CNIH3: variants seen among roughly 807,000 people sequenced by gnomAD.
The protein encoded by CNIH3 is protein cornichon homolog 3.
Under a neutral mutation model 24.1 loss-of-function variants are expected in CNIH3, and 14 were observed. That is an observed-to-expected ratio of 0.58 (90% CI 0.38 to 0.91). The LOEUF (loss-of-function observed/expected upper bound fraction) is 0.91. Ranked by LOEUF, CNIH3 falls within the 40% of genes least tolerant of loss-of-function variation. CNIH3 has a pLI of 0.00. For missense variants in CNIH3, 178 were observed against 196.8 expected (o/e 0.90, Z 0.57); for synonymous variants, 68 against 73.8 (o/e 0.92, Z 0.40).
At chr1:224,702,891 C>G (rs1472133550) in intron 3 of CNIH3, among the ~76,000 whole-genome samples, 1 of 152,110 alleles carries the variant, frequency 6.6e-6, no homozygotes, top group Admixed American at 6.5e-5. Flanking sequence ...CCTTGCTGGT[C>G]GGGGGAGACT....
At chr1:224,644,112 A>T (rs533886679) in intron 1 of CNIH3, among the ~76,000 whole-genome samples, 2 of 152,314 alleles carry the variant, frequency 1.3e-5, no homozygotes, top group Admixed American at 6.5e-5. Flanking sequence ...TTGCTCCAGC[A>T]CCTCAGCAGG....
At chr1:224,676,235 A>G (rs1421638293) in intron 1 of CNIH3, among the ~76,000 whole-genome samples, 1 of 152,238 alleles carries the variant, frequency 6.6e-6, no homozygotes, top group African/African-American at 2.4e-5. Context: ...ATGCTTACAA[A>G]AGAAAGCAGG....
Position 224,575,554 on chromosome 1 carries a change from C to G in CNIH3, n.517-7610C>G, listed in dbSNP as rs189443690. Reference sequence around the variant, plus strand: ...TAGCTTGATGTTGGATCTGAAGAGCCCTGTCAATAGAGTAGCTTTGCTTTG... The same window carrying G: ...TAGCTTGATGTTGGATCTGAAGAGCGCTGTCAATAGAGTAGCTTTGCTTTG... On this transcript the variant is annotated intron_variant and non_coding_transcript_variant, in intron 4 of 5. Coordinates refer to the CNIH3 transcript ENST00000471578. Among the ~76,000 whole-genome samples the G allele has an allele frequency of 2.0e-5, 3 of 151,890 alleles. No individual in the cohort carries two copies. The South Asian group carries it at 6.2e-4, about 32-fold the overall frequency.
At chr1:224,574,481 G>T in intron 4 of CNIH3, 1 of 652,762 alleles carries the variant, frequency 1.5e-6, no homozygotes, top group Non-Finnish European at 2.8e-6. Context: ...TGCCCATCCT[G>T]GGGCTAGGCA....
intron 3 of CNIH3, among the ~76,000 whole-genome samples, chr1:224,710,060 G>T (rs767911593): frequency 1.3e-5 from 2 of 151,964 alleles, no homozygotes; most frequent in Non-Finnish European, 2.9e-5. Flanking sequence ...ATATGAATAC[G>T]GTCTCTCTCA....
rs1315101944 is a variant in CNIH3 at position 224,684,683 on chromosome 1, G to A, written c.151-113G>A. 5.7e-6 allele frequency: 5 copies of A among 884,628 alleles called. No individual in the cohort carries two copies. Among genetic ancestry groups the A allele is most frequent in the African/African-American group, 5.0e-5 (3 of 60,464 alleles). The allele number at this position is 884,628 out of a possible 1,614,324, so 54.8% of individuals were successfully genotyped here. On this transcript the variant is annotated intron_variant, in intron 2 of 5. Transcript: ENST00000272133. The surrounding 1 kb of genome is among the most constrained non-coding windows in gnomAD (Gnocchi z 4.2). Reference sequence around the variant, plus strand: ...AGCATGCTGGCCATGTGCCCAGGAGGGGTCTCTGGTGGCTTCTGCCTCCAC... The same window carrying A: ...AGCATGCTGGCCATGTGCCCAGGAGAGGTCTCTGGTGGCTTCTGCCTCCAC...
chr1:224,731,310 G>A (rs1689314202), intron 4 of CNIH3, among the ~76,000 whole-genome samples: 1 of 152,060 alleles, frequency 6.6e-6, no homozygotes, highest in East Asian at 1.9e-4. Flanking sequence ...AGATGGGCTG[G>A]ATTTTCTGGG....
At chr1:224,520,110 T>C (rs914296249) in intron 1 of CNIH3, among the ~76,000 whole-genome samples, 12 of 152,266 alleles carry the variant, frequency 7.9e-5, no homozygotes, top group African/African-American at 2.9e-4. Flanking sequence ...CCTGGCACCA[T>C]TTACTATTAT....
intron 1 of CNIH3, among the ~76,000 whole-genome samples, chr1:224,464,451 A>C (rs1558083773): frequency 6.6e-6 from 1 of 152,162 alleles, no homozygotes; most frequent in Admixed American, 6.5e-5. Context: ...ATTTTTGAAT[A>C]GGTAATACTT....
Position 224,734,508 on chromosome 1 carries a change from G to C in CNIH3, c.312-55G>C, listed in dbSNP as rs940305063. ...GCCCTGCATCGGAAGGGTTTGCCCA[G>C]GTTACGCCAGAAGTACCAGGACCTC... On this transcript the variant is annotated intron_variant, in intron 4 of 5. Transcript: ENST00000272133. 5 of 1,594,278 alleles carry C rather than the reference G, an allele frequency of 3.1e-6. No individual in the cohort carries two copies. In the African/African-American group the frequency reaches 6.7e-5, roughly 21 times the overall value.
At chr1:224,496,889 T>C (rs2124860501) in intron 1 of CNIH3, among the ~76,000 whole-genome samples, 1 of 152,338 alleles carries the variant, frequency 6.6e-6, no homozygotes, top group African/African-American at 2.4e-5. Flanking sequence ...CCCAAGGTAA[T>C]TGAAAACATA....
In CNIH3 at chr1:224,647,080, G is replaced by A. The variant is rs1248216358; in HGVS notation, c.81+29825G>A. On this transcript the variant is annotated intron_variant, in intron 1 of 5. Coordinates refer to ENST00000272133, the MANE Select transcript of CNIH3 (RefSeq NM_152495.2). ...CGGCTCGCTGCAACCTCCACCTCCT[G>A]GGTCCAAGCGATTCTCCTGCTTCAG... is the stretch of plus-strand genomic sequence containing the variant. Among the ~76,000 whole-genome samples the A allele has an allele frequency of 3.3e-5, 5 of 152,070 alleles. No homozygotes were observed. The East Asian group carries it at 9.6e-4, about 29-fold the overall frequency.
intron 1 of CNIH3, among the ~76,000 whole-genome samples, chr1:224,502,757 C>T (rs757467332): frequency 6.6e-6 from 1 of 152,158 alleles, no homozygotes; most frequent in Non-Finnish European, 1.5e-5. Context: ...TTTTCAGAAG[C>T]AATTTAAACA....
intron 1 of CNIH3, among the ~76,000 whole-genome samples, chr1:224,477,260 G>A (rs1558093298): frequency 1.3e-5 from 2 of 151,098 alleles, no homozygotes; most frequent in African/African-American, 4.9e-5. Flanking sequence ...TGGAGCAAAA[G>A]TTCACGATGT....
At chr1:224,449,849 C>T (rs1675317661) in intron 1 of CNIH3, among the ~76,000 whole-genome samples, 2 of 152,200 alleles carry the variant, frequency 1.3e-5, no homozygotes, top group African/African-American at 4.8e-5. Context: ...TCACCTGTGG[C>T]TCCAGTCACA....
At chr1:224,486,804 G>A (rs1253443114) in intron 1 of CNIH3, among the ~76,000 whole-genome samples, 7 of 152,334 alleles carry the variant, frequency 4.6e-5, no homozygotes, top group Admixed American at 1.3e-4. Flanking sequence ...TAGAAATAAT[G>A]CAAGTAGAGT....
At chr1:224,578,579 T>C (rs1398922859) in intron 4 of CNIH3, among the ~76,000 whole-genome samples, 1 of 152,206 alleles carries the variant, frequency 6.6e-6, no homozygotes, top group Non-Finnish European at 1.5e-5. Context: ...TATTATTTGG[T>C]GTAGGTACTA....
intron 1 of CNIH3, among the ~76,000 whole-genome samples, chr1:224,679,201 A>G (rs1221270097): frequency 1.3e-5 from 2 of 151,914 alleles, no homozygotes; most frequent in African/African-American, 2.4e-5. Flanking sequence ...TTTTTTGTAC[A>G]TGGTGGCACA....
intron 3 of CNIH3, among the ~76,000 whole-genome samples, chr1:224,595,376 T>A (rs549287540): frequency 6.6e-6 from 1 of 152,332 alleles, no homozygotes; most frequent in Admixed American, 6.5e-5. Context: ...GTCACTGTCA[T>A]AATCGTTTTG....
Sources: gnomAD v4.1 joint callset for allele counts (sites outside exome capture counted in the v4.1 genomes callset) on GRCh38, gnomAD v4.1.1 for gene constraint, Gnocchi (gnomAD v3.1) non-coding constraint, MANE v1.5 for transcripts, NCBI Gene and HGNC (gene_info 2026-07-23, HGNC 2026-07-21) for gene names.